CTTNBP2: variants seen among roughly 807,000 people sequenced by gnomAD.
CTTNBP2 encodes cortactin-binding protein 2.
In CTTNBP2, 108 loss-of-function variants were observed where a neutral mutation model predicts 156.9. The ratio of observed to expected loss-of-function variants is 0.69; its 90% CI spans 0.59 to 0.81. The LOEUF (loss-of-function observed/expected upper bound fraction) is 0.81. Ranked by LOEUF, CTTNBP2 falls within the 30% of genes least tolerant of loss-of-function variation. The probability of loss-of-function intolerance (pLI) is 0.00; values close to 1 mark genes in which losing one functional copy is unlikely to be tolerated. For synonymous variants in CTTNBP2, 767 were observed against 751.8 expected, an observed-to-expected ratio of 1.02 and a Z score of -0.33; for missense variants, 1,924 against 2,035.4, an observed-to-expected ratio of 0.95 and a Z score of 1.05.
In CTTNBP2 at chr7:117,725,262, C is replaced by A. The variant is rs200533770; in HGVS notation, c.4056-5G>T. 3.6e-4 allele frequency: 580 copies of A among 1,613,588 alleles called. 1 individual carries two copies. Among genetic ancestry groups the A allele is most frequent in the Middle Eastern group, 1.7e-4 (1 of 6,032 alleles). ...TTCCACAGCTTAGACATCCACCTAG[C>A]AGGAGAGGGACCGATTCATCCCTTA... On this transcript the variant is annotated splice_region_variant and splice_polypyrimidine_tract_variant and intron_variant, in intron 17 of 22. Transcript: ENST00000160373.
chr7:117,718,112 T>C lies in CTTNBP2; in HGVS notation c.4652A>G (p.Asp1551Gly), dbSNP rs1001256934. The change falls in exon 22 of 23, where the codon GAT becomes GGT. Residue 1551 changes from aspartate to glycine, a missense_variant. Asp to Gly is a moderately conservative substitution (Grantham distance 94, BLOSUM62 -1). Coordinates refer to ENST00000160373, the MANE Select transcript of CTTNBP2 (RefSeq NM_033427.3). Reference protein sequence around the residue: ...KSESDISKIADSRDDLRMFDS... With the variant: ...KSESDISKIAGSRDDLRMFDS... ...AAACATCCTTAAATCATCCCTGGAA[T>C]CAGCAATCTAGAAAATACAGAATTT... is the stretch of plus-strand genomic sequence containing the variant. The C allele has an allele frequency of 6.2e-7, 1 of 1,609,248 alleles. No individual in the cohort carries two copies. Among genetic ancestry groups the C allele is most frequent in the Non-Finnish European group, 8.5e-7 (1 of 1,176,054 alleles).
chr7:117,757,552 G>GACA (rs1278267005), intron 11 of CTTNBP2, among the ~76,000 whole-genome samples: 1 of 100,056 alleles, frequency 1.0e-5, no homozygotes, highest in Non-Finnish European at 2.1e-5. Flanking sequence ...AAAAAAAAAA[G>GACA]ACATTTCTCT....
chr7:117,758,361 C>T (rs1797003873), intron 10 of CTTNBP2, among the ~76,000 whole-genome samples: 1 of 151,554 alleles, frequency 6.6e-6, no homozygotes, highest in Non-Finnish European at 1.5e-5. Flanking sequence ...GATATGAGAT[C>T]ATTTATGATC....
At chr7:117,717,678 T>G (rs754234712) in intron 22 of CTTNBP2, among the ~76,000 whole-genome samples, 4 of 151,930 alleles carry the variant, frequency 2.6e-5, no homozygotes, top group Non-Finnish European at 4.4e-5. Context: ...TGGTACTATC[T>G]TAGATTTCAG....
At position 117,756,588 on chromosome 7, in the gene CTTNBP2, G is replaced by C. The variant is rs1430169716; in HGVS notation, c.3315C>G (p.Ile1105Met). ...CLSSVTYASM[I>M]PLQMMQNYLR... Reference sequence around the variant, plus strand: ...GGTAGTTCTGCATCATCTGGAGAGGGATCATGGAGGCATAAGTCACACTAC... The same window carrying C: ...GGTAGTTCTGCATCATCTGGAGAGGCATCATGGAGGCATAAGTCACACTAC... The change falls in exon 12 of 23, where the codon ATC (isoleucine) becomes ATG (methionine). Residue 1105 changes from isoleucine (I) to methionine (M), a missense_variant. Transcript: ENST00000160373. 4 of 1,613,820 alleles carry C rather than the reference G, an allele frequency of 2.5e-6. No homozygotes were observed. The highest frequency in any genetic ancestry group is 3.4e-6 in the Non-Finnish European group (4 of 1,179,732).
chr7:117,779,952 G>A (rs150122363), intron 7 of CTTNBP2, among the ~76,000 whole-genome samples: 1 of 151,972 alleles, frequency 6.6e-6, no homozygotes, highest in African/African-American at 2.4e-5. Context: ...TAGAGACGGG[G>A]TTTCTCCATG....
chr7:117,867,824 C>G (rs1804309514), intron 1 of CTTNBP2, among the ~76,000 whole-genome samples: 1 of 152,102 alleles, frequency 6.6e-6, no homozygotes, highest in Non-Finnish European at 1.5e-5. Flanking sequence ...GGTCATGCAC[C>G]TCAAATCAAC....
chr7:117,739,553 G>T (rs1795884511), intron 14 of CTTNBP2, among the ~76,000 whole-genome samples: 1 of 152,134 alleles, frequency 6.6e-6, no homozygotes, highest in South Asian at 2.1e-4. Flanking sequence ...TCCCAGTTTT[G>T]CACATCCTTA....
chr7:117,806,038 C>T (rs2193258), intron 3 of CTTNBP2, among the ~76,000 whole-genome samples: 80,414 of 151,964 alleles, frequency 0.53, 23,943 homozygotes, highest in East Asian at 0.97. Flanking sequence ...TTCCAGGTGA[C>T]TTTGTTATGT....
At chr7:117,719,418 G>A (rs897950547) in intron 21 of CTTNBP2, 86 bp downstream of exon 21, 6 of 1,267,762 alleles carry the variant, frequency 4.7e-6, no homozygotes, top group Non-Finnish European at 6.5e-6. Flanking sequence ...TATCAATAAG[G>A]AATTTCTTTT....
intron 21 of CTTNBP2, 149 bp from the exon 22 acceptor site, chr7:117,718,268 A>G: frequency 2.2e-6 from 1 of 454,616 alleles, no homozygotes; most frequent in Non-Finnish European, 3.9e-6. Flanking sequence ...CATGAAAGAA[A>G]GACTTCAAGT....
rs758748148 is a variant in CTTNBP2, at chr7:117,791,757, T to C, written c.1439A>G (p.Asp480Gly). The change falls in exon 4 of 23, where the codon GAC (aspartate) becomes GGC (glycine). Residue 480 changes from aspartate to glycine, a missense_variant. Transcript: ENST00000160373. ...AGCTAGTTGTTTGGCCACTAGGTTGTCACGACTTGTAGGCGAGACATCTCT... is the reference window on the plus strand; with the variant it reads ...AGCTAGTTGTTTGGCCACTAGGTTGCCACGACTTGTAGGCGAGACATCTCT... ...PSRDVSPTSR[D>G]NLVAKQLARN... 1 of 1,614,236 alleles carries C rather than the reference T, an allele frequency of 6.2e-7. No homozygotes were observed. Among genetic ancestry groups the C allele is most frequent in the Non-Finnish European group, 8.5e-7 (1 of 1,180,044 alleles).
intron 2 of CTTNBP2, among the ~76,000 whole-genome samples, chr7:117,833,100 C>T (rs1036842221): frequency 1.3e-5 from 2 of 152,094 alleles, no homozygotes; most frequent in Non-Finnish European, 2.9e-5. Flanking sequence ...CACTATCTCC[C>T]TGTACTAATC....
chr7:117,739,247 C>T (rs1221242245), intron 14 of CTTNBP2, among the ~76,000 whole-genome samples: 1 of 152,140 alleles, frequency 6.6e-6, no homozygotes, highest in Admixed American at 6.5e-5. Flanking sequence ...TAACCAGCCA[C>T]AGAAGCAGGA....
chr7:117,757,101 T>G (rs1353667998), intron 11 of CTTNBP2, among the ~76,000 whole-genome samples: 2 of 152,226 alleles, frequency 1.3e-5, no homozygotes, highest in Non-Finnish European at 2.9e-5. Flanking sequence ...ATTCTCTCAA[T>G]ACATTGTTTG....
intron 2 of CTTNBP2, among the ~76,000 whole-genome samples, chr7:117,841,060 CAATT>C (rs1203651295): frequency 2.0e-5 from 3 of 152,054 alleles, no homozygotes; most frequent in Non-Finnish European, 4.4e-5. Context: ...AATTATAAAT[CAATT>C]AATGTGTTAA....
chr7:117,727,815 CCTCA>C (rs1486513482), intron 17 of CTTNBP2, among the ~76,000 whole-genome samples: 1 of 152,098 alleles, frequency 6.6e-6, no homozygotes, highest in African/African-American at 2.4e-5. Flanking sequence ...TTATGTGGTA[CCTCA>C]CTCAGGAGAC....
At chr7:117,780,628 G>T in intron 6 of CTTNBP2, 37 bp from the exon 7 acceptor site, 1 of 1,431,902 alleles carries the variant, frequency 7.0e-7, no homozygotes, top group South Asian at 1.5e-5. Context: ...ATAAAACCTG[G>T]GTTTGACCTT....
chr7:117,867,695 TTCTC>T (rs1333064281), intron 1 of CTTNBP2, among the ~76,000 whole-genome samples: 1 of 152,178 alleles, frequency 6.6e-6, no homozygotes, highest in East Asian at 1.9e-4. Context: ...TATTAGATGA[TTCTC>T]TCAGTGTTTC....
Sources: allele counts gnomAD v4.1 joint callset (sites outside exome capture counted in the v4.1 genomes callset), GRCh38; gene constraint gnomAD v4.1.1; transcripts MANE v1.5; gene names NCBI Gene and HGNC (gene_info 2026-07-23, HGNC 2026-07-21).